The following CAPG variants were observed in gnomAD, a reference collection of about 807,000 sequenced individuals.
CAPG encodes the protein capping actin protein, gelsolin like.
In CAPG, 32 loss-of-function variants were observed where a neutral mutation model predicts 44.6. The ratio of observed to expected loss-of-function variants is 0.72; its 90% confidence interval spans 0.54 to 0.96. The LOEUF (loss-of-function observed/expected upper bound fraction) is 0.96, where lower values mean the gene tolerates loss of function less well. Ranked by LOEUF, CAPG falls within the 50% of genes least tolerant of loss-of-function variation. CAPG has a pLI of 0.00. For missense variants in CAPG, 412 were observed against 438.3 expected, an observed-to-expected ratio of 0.94 and a Z score of 0.54; for synonymous variants, 175 against 179.6, an observed-to-expected ratio of 0.97 and a Z score of 0.20.
chr2:85,399,686 C>T (rs959238052), intron 5 of CAPG, among the ~76,000 whole-genome samples: 1 of 151,826 alleles, frequency 6.6e-6, no homozygotes, highest in Non-Finnish European at 1.5e-5. Context: ...AATGGGGTCC[C>T]ACTATGTTGC....
intron 5 of CAPG, among the ~76,000 whole-genome samples, chr2:85,399,954 T>C (rs1313248725): frequency 6.6e-6 from 1 of 152,126 alleles, no homozygotes; most frequent in East Asian, 1.9e-4. Context: ...TTGGTCAGGC[T>C]GGTCTCGAAC....
chr2:85,398,182 C>T (rs779913827), intron 7 of CAPG, 30 bp from the exon 8 acceptor site: 5 of 1,606,220 alleles, frequency 3.1e-6, no homozygotes, highest in African/African-American at 2.7e-5. Context: ...CCTGATCTCA[C>T]CCCCCACACA....
chr2:85,403,936 C>A (rs1467242234), intron 1 of CAPG, among the ~76,000 whole-genome samples: 15 of 137,288 alleles, frequency 1.1e-4, no homozygotes, highest in Non-Finnish European at 2.1e-4. Flanking sequence ...CAAATGAAAT[C>A]AAATAATATA....
At chr2:85,407,507 G>A (rs909160406) in intron 1 of CAPG, among the ~76,000 whole-genome samples, 2 of 151,986 alleles carry the variant, frequency 1.3e-5, no homozygotes, top group Non-Finnish European at 2.9e-5. Flanking sequence ...GAGCTTAGGA[G>A]TTCAAGACCA....
intron 5 of CAPG, among the ~76,000 whole-genome samples, 177 bp downstream of exon 5, chr2:85,400,985 CAGA>C (rs1175711879): frequency 6.6e-6 from 1 of 152,330 alleles, no homozygotes; most frequent in East Asian, 1.9e-4. Context: ...GTCTAGATGG[CAGA>C]AGGAGGCTGG....
rs193280469 is a variant in CAPG at position 85,398,734 on chromosome 2, G to C, written c.715C>G (p.Leu239Val). The change falls in exon 7 of 10, where the codon CTC (leucine) becomes GTC (valine). Residue 239 changes from leucine to valine, a missense_variant. By Grantham distance (32) the Leu-to-Val change is conservative. Transcript: ENST00000263867. Reference protein sequence around the residue: ...ALKEGNPEEDLTADKANAQAA... With the variant: ...ALKEGNPEEDVTADKANAQAA... Reference sequence around the variant, plus strand: ...TGGGCATTTGCCTTGTCAGCTGTGAGGTCTTCCTCAGGGTTGCCCTCCTTC... The same window carrying C: ...TGGGCATTTGCCTTGTCAGCTGTGACGTCTTCCTCAGGGTTGCCCTCCTTC... The C allele has an allele frequency of 8.1e-6, 13 of 1,608,142 alleles. No individual in the cohort carries two copies. In the East Asian group the frequency reaches 2.9e-4, roughly 36 times the overall value.
chr2:85,417,576 G>A (rs1165759305), intron 1 of CAPG, among the ~76,000 whole-genome samples: 1 of 148,708 alleles, frequency 6.7e-6, no homozygotes, highest in Admixed American at 6.9e-5. Context: ...TCCGCCTCCT[G>A]AGTTCAAGCA....
chr2:85,404,832 A>G (rs1055283301), intron 1 of CAPG, among the ~76,000 whole-genome samples: 1 of 151,948 alleles, frequency 6.6e-6, no homozygotes, highest in African/African-American at 2.4e-5. Context: ...GCTACTCAGG[A>G]GGCTGAGGAG....
chr2:85,392,305 G>T (rs1686412856), downstream of CAPG, among the ~76,000 whole-genome samples: 1 of 151,890 alleles, frequency 6.6e-6, no homozygotes, highest in African/African-American at 2.4e-5. Flanking sequence ...CAGGAAAATG[G>T]TGTGAACCCG....
rs1687061132 is a variant in CAPG, at chr2:85,404,615, G to A, written c.-13-2457C>T. On this transcript the variant is annotated intron_variant, in intron 1 of 9. Transcript: ENST00000263867. Reference sequence around the variant, plus strand: ...ATACAAAAATTAGCTGGGCATGGTGGCATGCGTCTGTAATCCCAGCTACTT... The same window carrying A: ...ATACAAAAATTAGCTGGGCATGGTGACATGCGTCTGTAATCCCAGCTACTT... Among the ~76,000 whole-genome samples, 3 of 152,186 alleles carry A rather than the reference G, an allele frequency of 2.0e-5. No homozygotes were observed. The South Asian group carries it at 6.2e-4, about 32-fold the overall frequency.
At chr2:85,393,336 A>G (rs919985015), downstream of CAPG, among the ~76,000 whole-genome samples, 2 of 152,116 alleles carry the variant, frequency 1.3e-5, no homozygotes, top group African/African-American at 4.8e-5. Flanking sequence ...GTGCCCAGCC[A>G]CAAAAATCTT....
Position 85,401,205 on chromosome 2 carries a change from C to G in CAPG, c.476G>C (p.Ser159Thr). Residue 159 changes from serine (S) to threonine (T), a missense_variant, in exon 5 of 10, where the codon AGC (serine) becomes ACC (threonine). Ser to Thr is a moderately conservative substitution (Grantham distance 58). Coordinates refer to ENST00000263867, the MANE Select transcript of CAPG (RefSeq NM_001747.4). ...RATERALNWDSFNTGDCFILD... is the reference protein window; with the variant it reads ...RATERALNWDTFNTGDCFILD... ...GATGAAGCAGTCCCCAGTGTTGAAG[C>G]TGTCCCAGTTCAGTGCCCGCTCGGT... 2 of 1,614,218 alleles carry G rather than the reference C, an allele frequency of 1.2e-6. No homozygotes were observed. The highest frequency in any genetic ancestry group is 1.7e-6 in the Non-Finnish European group (2 of 1,180,026).
At chr2:85,408,219 G>A (rs1687257517) in intron 1 of CAPG, among the ~76,000 whole-genome samples, 1 of 152,086 alleles carries the variant, frequency 6.6e-6, no homozygotes, top group South Asian at 2.1e-4. Context: ...GTGCGTGCCT[G>A]TAGTCCCAGC....
chr2:85,392,996 G>C (rs112091769), downstream of CAPG, among the ~76,000 whole-genome samples: 6 of 152,188 alleles, frequency 3.9e-5, 1 homozygote, highest in African/African-American at 1.4e-4. Flanking sequence ...TTAATGAACT[G>C]GTTGTGAGGG....
rs781179056 is a variant in CAPG, at chr2:85,395,491, C to CAGGAAGAGCCCT, written c.981+35_981+46dup. 6.6e-7 allele frequency: 1 copy of CAGGAAGAGCCCT among 1,525,318 alleles called. No individual in the cohort carries two copies. The highest frequency in any genetic ancestry group is 9.0e-7 in the Non-Finnish European group (1 of 1,105,378). 94.5% of individuals were successfully genotyped at this position (1,525,318 alleles called of 1,614,324 possible). A position where few individuals can be genotyped will look rare whatever the true frequency, so the allele number is the denominator to read the frequency against. ...GGCCAATTTGAGGGGTCAGGGGCCA[C>CAGGAAGAGCCCT]AGGAAGAGCCCTAGGAAGAGGGCTG... is the stretch of plus-strand genomic sequence containing the variant. On this transcript the variant is annotated intron_variant, in intron 9 of 9. Coordinates refer to ENST00000263867, the MANE Select transcript of CAPG (RefSeq NM_001747.4). The surrounding 1 kb of genome is among the most constrained non-coding windows in gnomAD (Gnocchi z 4.3).
At chr2:85,398,605 C>T in intron 7 of CAPG, 85 bp downstream of exon 7, 2 of 1,148,744 alleles carry the variant, frequency 1.7e-6, no homozygotes, top group African/African-American at 1.5e-5. Flanking sequence ...TGCCTTCTCC[C>T]CTCCACCCTG....
At chr2:85,413,588 AAAC>A (rs774388648), upstream of CAPG, among the ~76,000 whole-genome samples, 10 of 152,158 alleles carry the variant, frequency 6.6e-5, no homozygotes, top group Non-Finnish European at 1.0e-4. Context: ...CTCAAAAAAC[AAAC>A]AACAACAACA....
upstream of CAPG, among the ~76,000 whole-genome samples, chr2:85,414,351 C>T (rs527886458): frequency 2.6e-5 from 4 of 152,172 alleles, no homozygotes; most frequent in African/African-American, 7.2e-5. Flanking sequence ...CTGCTGGAAA[C>T]ATGAAGTCTT....
chr2:85,408,363 C>CACACACACACAT (rs1340449483), intron 1 of CAPG, among the ~76,000 whole-genome samples: 1 of 151,368 alleles, frequency 6.6e-6, no homozygotes, highest in Non-Finnish European at 1.5e-5. Flanking sequence ...CACACACACA[C>CACACACACACAT]ACACACACAC....
Sources: gnomAD v4.1 joint callset for allele counts (sites outside exome capture counted in the v4.1 genomes callset) on GRCh38, gnomAD v4.1.1 for gene constraint, Gnocchi (gnomAD v3.1) non-coding constraint, MANE v1.5 for transcripts, NCBI Gene and HGNC (gene_info 2026-07-23, HGNC 2026-07-21) for gene names.